KIF13B: variants seen among roughly 807,000 people sequenced by gnomAD.
KIF13B encodes the protein kinesin family member 13B, also known as kinesin-like protein KIF13B.
KIF13B carries 127 observed loss-of-function variants against 222.0 expected under a neutral mutation model. That is an observed-to-expected ratio of 0.57 (90% CI 0.50 to 0.66). KIF13B has a LOEUF of 0.66. KIF13B is among the 30% of genes least tolerant of loss of function. The pLI is 0.00. For missense variants in KIF13B, 2,173 were observed against 2,379.0 expected (o/e 0.91, Z 1.80); for synonymous variants, 976 against 919.0 (o/e 1.06, Z -1.12).
chr8:29,257,964 A>G (rs1390899225), intron 1 of KIF13B, among the ~76,000 whole-genome samples: 1 of 152,238 alleles, frequency 6.6e-6, no homozygotes, highest in Non-Finnish European at 1.5e-5. Flanking sequence ...GACAGTAGAA[A>G]CAAAACAATG....
intron 2 of KIF13B, among the ~76,000 whole-genome samples, chr8:29,240,312 T>C (rs1214749052): frequency 6.8e-6 from 1 of 147,106 alleles, no homozygotes; most frequent in Non-Finnish European, 1.5e-5. Flanking sequence ...TTCATCACCA[T>C]GCACCCGCAG....
chr8:29,112,397 C>A (rs1428641556), intron 32 of KIF13B, among the ~76,000 whole-genome samples: 7 of 142,028 alleles, frequency 4.9e-5, no homozygotes, highest in African/African-American at 1.6e-4. Context: ...CACACCACTG[C>A]ACTCCAACCT....
intron 37 of KIF13B, among the ~76,000 whole-genome samples, chr8:29,090,544 T>A (rs1808250204): frequency 6.6e-6 from 1 of 151,922 alleles, no homozygotes; most frequent in South Asian, 2.1e-4. Context: ...GTCTGCAGGA[T>A]GAGGACAAGG....
chr8:29,242,638 A>C (rs1193789898), intron 2 of KIF13B, among the ~76,000 whole-genome samples: 1 of 152,260 alleles, frequency 6.6e-6, no homozygotes, highest in Non-Finnish European at 1.5e-5. Context: ...GATAATACAC[A>C]GAAGAACTAG....
At chr8:29,135,966 A>G (rs1171834773) in intron 21 of KIF13B, among the ~76,000 whole-genome samples, 2 of 149,946 alleles carry the variant, frequency 1.3e-5, no homozygotes, top group African/African-American at 4.9e-5. Flanking sequence ...CAAACCAGAT[A>G]TTTTCTTCCA....
intron 30 of KIF13B, among the ~76,000 whole-genome samples, chr8:29,118,455 A>G (rs2129691540): frequency 6.6e-6 from 1 of 152,284 alleles, no homozygotes; most frequent in African/African-American, 2.4e-5. Context: ...AGATCCTGCC[A>G]CTGTACTCCA....
chr8:29,184,792 T>C lies in KIF13B; in HGVS notation c.497+1500A>G, dbSNP rs150119357. On this transcript the variant is annotated intron_variant, in intron 6 of 39. Transcript: ENST00000524189. ...GTCAGCTAAGAATTTCTGGAAAGAG[T>C]AGGTCTGGGCTGGATCTCAGAAAAG... 1.8e-3 allele frequency among the ~76,000 whole-genome samples: 280 copies of C among 151,900 alleles called. 1 individual carries two copies. The highest frequency in any genetic ancestry group is 2.9e-3 in the East Asian group (15 of 5,172).
intron 11 of KIF13B, 130 bp from the exon 12 acceptor site, chr8:29,165,902 A>AC: frequency 1.1e-5 from 8 of 707,344 alleles, no homozygotes; most frequent in Middle Eastern, 2.4e-4. Context: ...TCTGACATCT[A>AC]CTTCGATTGT....
chr8:29,111,828 TAC>T (rs1809368997), intron 32 of KIF13B, among the ~76,000 whole-genome samples: 1 of 152,210 alleles, frequency 6.6e-6, no homozygotes, highest in Admixed American at 6.5e-5. Context: ...AATGTTTAGA[TAC>T]ACAGAGTAAA....
Position 29,109,937 on chromosome 8 carries a change from G to A in KIF13B, c.4064C>T (p.Thr1355Ile). 1 of 1,613,662 alleles carries A rather than the reference G, an allele frequency of 6.2e-7. No individual in the cohort carries two copies. The highest frequency in any genetic ancestry group is 2.2e-5 in the East Asian group (1 of 44,886). ...GCTAACCTGGCGCAGACGATCTAAA[G>A]TCAGGAGGTTTTCTACAGCCAGCAC... ...RSVLAVENLL[T>I]LDRLRQEVAV... The change falls in exon 33 of 40, where the codon ACT becomes ATT. Residue 1355 changes from threonine to isoleucine, a missense_variant. Around this residue, in one of 2 missense-constraint regions of KIF13B, gnomAD observed 1,480 missense variants for 1,722.8 expected, o/e 0.86. Transcript: ENST00000524189.
chr8:29,118,324 T>C (rs1423544954), intron 30 of KIF13B, among the ~76,000 whole-genome samples: 1 of 144,452 alleles, frequency 6.9e-6, no homozygotes, highest in Non-Finnish European at 1.5e-5. Context: ...ACCCCATCTC[T>C]ACTAAAAAAA....
chr8:29,189,471 G>A (rs1396587386), intron 4 of KIF13B: 1 of 152,108 alleles, frequency 6.6e-6, no homozygotes, highest in African/African-American at 2.4e-5. Flanking sequence ...AGGAATAAAG[G>A]CAATCAAAGG....
chr8:29,246,815 T>C (rs1277092896), intron 1 of KIF13B, among the ~76,000 whole-genome samples: 4 of 152,184 alleles, frequency 2.6e-5, no homozygotes, highest in Admixed American at 2.0e-4. Flanking sequence ...TATGGTCCAT[T>C]GATTTTGACA....
intron 24 of KIF13B, among the ~76,000 whole-genome samples, chr8:29,129,341 T>C (rs1442194302): frequency 1.3e-5 from 2 of 152,218 alleles, no homozygotes; most frequent in Admixed American, 6.5e-5. Flanking sequence ...CAGAAAAAGA[T>C]GTTCTTCACA....
Position 29,123,357 on chromosome 8 carries a change from G to C in KIF13B, c.3479+9C>G. 5 of 1,613,534 alleles carry C rather than the reference G, an allele frequency of 3.1e-6. No individual in the cohort carries two copies. The highest frequency in any genetic ancestry group is 4.2e-6 in the Non-Finnish European group (5 of 1,179,868). ...TCAGACCTCACAAGACGCACCACAG[G>C]GTTCATACCATTCTGCTGGGGCCCC... On this transcript the variant is annotated intron_variant, in intron 28 of 39. Transcript: ENST00000524189.
chr8:29,203,055 G>T (rs1813768753), intron 2 of KIF13B, among the ~76,000 whole-genome samples: 1 of 152,084 alleles, frequency 6.6e-6, no homozygotes, highest in Non-Finnish European at 1.5e-5. Context: ...GCTTATGTAG[G>T]ACCACTCGGT....
At chr8:29,142,370 C>T (rs1256808209) in intron 18 of KIF13B, 67 bp from the exon 19 acceptor site, 3 of 1,376,686 alleles carry the variant, frequency 2.2e-6, no homozygotes, top group African/African-American at 1.4e-5. Context: ...CTGACAATTC[C>T]ACCCCCATCA....
At chr8:29,095,537 C>A (rs183964777) in intron 36 of KIF13B, among the ~76,000 whole-genome samples, 2 of 152,138 alleles carry the variant, frequency 1.3e-5, no homozygotes, top group East Asian at 1.9e-4. Context: ...GAGGCCGAGG[C>A]GGGTGGATCA....
At chr8:29,236,873 C>A (rs1225004583) in intron 2 of KIF13B, among the ~76,000 whole-genome samples, 1 of 152,080 alleles carries the variant, frequency 6.6e-6, no homozygotes, top group Non-Finnish European at 1.5e-5. Context: ...CAAAATCTAA[C>A]AAGATGCACA....
Sources: allele counts gnomAD v4.1 joint callset (sites outside exome capture counted in the v4.1 genomes callset), GRCh38; gene constraint gnomAD v4.1.1; regional missense constraint gnomAD v4.1.1; transcripts MANE v1.5; gene names NCBI Gene and HGNC (gene_info 2026-07-23, HGNC 2026-07-21).